The following DDX25 variants were observed in gnomAD, a reference collection of about 807,000 sequenced individuals.
DDX25 encodes the protein ATP-dependent RNA helicase DDX25.
DDX25 carries 70 observed loss-of-function variants against 64.6 expected under a neutral mutation model. The observed-to-expected ratio is 1.08, with a 90% CI of 0.89 to 1.32. The LOEUF is 1.32. Ranked by LOEUF, DDX25 falls within the 40% of genes most tolerant of loss-of-function variation. DDX25 has a pLI of 0.00. For synonymous variants in DDX25, 211 were observed against 213.3 expected (o/e 0.99, Z 0.09); for missense variants, 587 against 604.4 (o/e 0.97, Z 0.30).
chr11:125,918,599 G>A (rs1167328391), intron 9 of DDX25, 29 bp from the exon 10 acceptor site: 1 of 1,602,604 alleles, frequency 6.2e-7, no homozygotes, highest in Admixed American at 1.7e-5. Context: ...ATCTTGGGGT[G>A]CTGTGTTGGG....
chr11:125,906,118 T>G lies in DDX25; in HGVS notation c.220T>G (p.Ser74Ala). 6.4e-7 allele frequency: 1 copy of G among 1,550,726 alleles called. No homozygotes were observed. Among genetic ancestry groups the G allele is most frequent in the Non-Finnish European group, 8.7e-7 (1 of 1,146,748 alleles). The change falls in exon 4 of 12, where the codon TCC (serine) becomes GCC (alanine). Residue 74 changes from serine (S) to alanine (A), a missense_variant. Coordinates refer to ENST00000263576, the MANE Select transcript of DDX25 (RefSeq NM_013264.5). The part of the protein sequence containing the change: ...NSLLNKLIHQ[S>A]LVESSHRVEV... Reference sequence around the variant, plus strand: ...ACTCTTAAACAAGTTAATCCATCAATCCTTAGTAGAATCCAGTCACCGTGT... The same window carrying G: ...ACTCTTAAACAAGTTAATCCATCAAGCCTTAGTAGAATCCAGTCACCGTGT...
In DDX25 at chr11:125,923,943, C is replaced by A. The variant is rs1012276382; in HGVS notation, c.*1062C>A. 3.3e-5 allele frequency: 5 copies of A among 152,154 alleles called. No homozygotes were observed. The highest frequency in any genetic ancestry group is 9.7e-5 in the African/African-American group (4 of 41,432). 9.4% of individuals were successfully genotyped at this position (152,154 alleles called of 1,614,324 possible). On this transcript the variant is annotated 3_prime_UTR_variant, in exon 12 of 12. Transcript: ENST00000263576. ...TTCCATGTCACCCTGCCCATGTTTT[C>A]TCCCGGAGAGCAGGGCTCAGAAATA...
chr11:125,911,501 G>A lies in DDX25; in HGVS notation c.800+13G>A, dbSNP rs1591517527. On this transcript the variant is annotated intron_variant, in intron 8 of 11. Transcript: ENST00000263576. Reference sequence around the variant, plus strand: ...TTCGTATTCAAAGGTAATCTTCAGAGTCTTCCTCTCTTCCTCAGCCTTCTG... The same window carrying A: ...TTCGTATTCAAAGGTAATCTTCAGAATCTTCCTCTCTTCCTCAGCCTTCTG... The A allele has an allele frequency of 1.9e-6, 3 of 1,611,562 alleles. No homozygotes were observed. The highest frequency in any genetic ancestry group is 2.2e-5 in the East Asian group (1 of 44,822).
In DDX25 at chr11:125,924,393, G is replaced by A. The variant is rs1183837175; in HGVS notation, c.*1512G>A. ...TGTTGGAATTCAGAGCCTAATGGCAGAGACCTAGAATAAGCCAGCATGATA... is the reference window on the plus strand; with the variant it reads ...TGTTGGAATTCAGAGCCTAATGGCAAAGACCTAGAATAAGCCAGCATGATA... On this transcript the variant is annotated 3_prime_UTR_variant, in exon 12 of 12. Coordinates refer to ENST00000263576, the MANE Select transcript of DDX25 (RefSeq NM_013264.5). The A allele has an allele frequency of 6.6e-6, 1 of 152,334 alleles. No homozygotes were observed. Among genetic ancestry groups the A allele is most frequent in the Non-Finnish European group, 1.5e-5 (1 of 68,128 alleles). The allele number at this position is 152,334 out of a possible 1,614,324, so 9.4% of individuals were successfully genotyped here.
upstream of DDX25, among the ~76,000 whole-genome samples, chr11:125,903,714 T>C (rs1373539899): frequency 8.1e-6 from 1 of 123,898 alleles, no homozygotes; most frequent in Admixed American, 1.0e-4. Flanking sequence ...ATTCCAGAAA[T>C]GCTGATCAAA....
At chr11:125,909,597 A>G (rs769794822) in intron 6 of DDX25, among the ~76,000 whole-genome samples, 5 of 151,710 alleles carry the variant, frequency 3.3e-5, no homozygotes, top group Non-Finnish European at 4.4e-5. Flanking sequence ...TTGTAAAGAT[A>G]TAGATAATAT....
At position 125,911,399 on chromosome 11, in the gene DDX25, T is replaced by C; in HGVS notation, c.711T>C (p.Asp237=). 1 of 1,613,922 alleles carries C rather than the reference T, an allele frequency of 6.2e-7. No individual in the cohort carries two copies. The highest frequency in any genetic ancestry group is 8.5e-7 in the Non-Finnish European group (1 of 1,179,858). The change falls in exon 8 of 12, where the codon GAT becomes GAC. Residue 237 remains aspartate (D), a synonymous_variant. Coordinates refer to ENST00000263576, the MANE Select transcript of DDX25 (RefSeq NM_013264.5). ...LDWCFKLKLI[D]LTKIRVFVLD... ...GGTGTTTTAAACTAAAATTGATTGA[T>C]TTGACTAAGATTCGTGTGTTTGTCC...
In DDX25 at chr11:125,918,765, C is replaced by T; in HGVS notation, c.1176C>T (p.Leu392=). Residue 392 remains leucine, a synonymous_variant, in exon 10 of 12, where the codon CTC becomes CTT. Coordinates refer to ENST00000263576, the MANE Select transcript of DDX25 (RefSeq NM_013264.5). ...QRFRDGKEKV[L]ITTNVCARGI... ...TTCGGGATGGGAAAGAGAAGGTTCT[C>T]ATAACAACTAATGTTTGTGCCCGAG... 2.5e-6 allele frequency: 4 copies of T among 1,596,296 alleles called. No individual in the cohort carries two copies. The highest frequency in any genetic ancestry group is 1.1e-5 in the South Asian group (1 of 88,534).
chr11:125,904,334 C>G (rs932779229), upstream of DDX25: 262 of 435,486 alleles, frequency 6.0e-4, no homozygotes, highest in African/African-American at 4.9e-3. Flanking sequence ...GCCCCGCTCT[C>G]TGCCCTCCGC....
Position 125,926,285 on chromosome 11 carries a change from C to T in DDX25, c.*3404C>T, listed in dbSNP as rs1163368089. On this transcript the variant is annotated 3_prime_UTR_variant, in exon 12 of 12. Transcript: ENST00000263576. Reference sequence around the variant, plus strand: ...GCCATCTGGCACATACTGCTTTTCCCAAGGGAGTAACAGAAAGGTCAGATC... The same window carrying T: ...GCCATCTGGCACATACTGCTTTTCCTAAGGGAGTAACAGAAAGGTCAGATC... The T allele has an allele frequency of 6.6e-6, 1 of 152,298 alleles. No individual in the cohort carries two copies. Among genetic ancestry groups the T allele is most frequent in the Non-Finnish European group, 1.5e-5 (1 of 68,128 alleles). The allele number at this position is 152,298 out of a possible 1,614,324, so 9.4% of individuals were successfully genotyped here.
chr11:125,910,660 G>A (rs1254064899), intron 7 of DDX25, among the ~76,000 whole-genome samples, 182 bp downstream of exon 7: 3 of 152,204 alleles, frequency 2.0e-5, no homozygotes, highest in South Asian at 2.1e-4. Flanking sequence ...TGCCTGGCAC[G>A]TAGTAAGGAC....
In DDX25 at chr11:125,908,363, T is replaced by C. The variant is rs1374114382; in HGVS notation, c.405-38T>C. 5 of 1,613,432 alleles carry C rather than the reference T, an allele frequency of 3.1e-6. No individual in the cohort carries two copies. In the African/African-American group the frequency reaches 5.3e-5, roughly 17 times the overall value. ...TTTTCAGTTTATGCCCACTCTCTTG[T>C]ATTCAGTTTATGCCCAGTGGTCTTC... On this transcript the variant is annotated intron_variant, in intron 5 of 11. Coordinates refer to ENST00000263576, the MANE Select transcript of DDX25 (RefSeq NM_013264.5).
In DDX25 at chr11:125,927,637, C is replaced by A. The variant is rs531184022; in HGVS notation, c.*4756C>A. 1 of 152,242 alleles carries A rather than the reference C, an allele frequency of 6.6e-6. No individual in the cohort carries two copies. Among genetic ancestry groups the A allele is most frequent in the South Asian group, 2.1e-4 (1 of 4,818 alleles). 9.4% of individuals were successfully genotyped at this position (152,242 alleles called of 1,614,324 possible). A position where few individuals can be genotyped will look rare whatever the true frequency, so the allele number is the denominator to read the frequency against. On this transcript the variant is annotated 3_prime_UTR_variant, in exon 12 of 12. Transcript: ENST00000263576. The stretch of plus-strand genomic sequence containing the variant: ...AGAATGGTACTGCCTCACTCCAGCT[C>A]CTTAGTGTGTGATCATGGCTTGAAA...
chr11:125,905,386 T>C, intron 2 of DDX25, 108 bp downstream of exon 2: 1 of 1,365,334 alleles, frequency 7.3e-7, no homozygotes, highest in Non-Finnish European at 1.0e-6. Flanking sequence ...TAGTGTGACA[T>C]TCAGCACTCT....
intron 10 of DDX25, among the ~76,000 whole-genome samples, chr11:125,920,095 T>C (rs1346391442): frequency 6.6e-6 from 1 of 151,724 alleles, no homozygotes; most frequent in Non-Finnish European, 1.5e-5. Context: ...GAAGGTACAG[T>C]GGGGAGGGGA....
At chr11:125,906,023 TG>T (rs1418700018) in intron 3 of DDX25, 50 bp from the exon 4 acceptor site, 13 of 1,502,790 alleles carry the variant, frequency 8.7e-6, no homozygotes, top group Middle Eastern at 2.0e-4. Context: ...GCAACTTATT[TG>T]ATGTCATTCA....
At chr11:125,917,989 C>T (rs1945060729) in intron 9 of DDX25, among the ~76,000 whole-genome samples, 1 of 152,172 alleles carries the variant, frequency 6.6e-6, no homozygotes, top group African/African-American at 2.4e-5. Context: ...AGCAATTCTC[C>T]TGCCTCAGCT....
chr11:125,906,349 T>A, intron 4 of DDX25, 140 bp downstream of exon 4: 14 of 1,118,962 alleles, frequency 1.3e-5, no homozygotes, highest in Non-Finnish European at 1.7e-5. Flanking sequence ...AGACAGAGTC[T>A]CACTCTGTCC....
chr11:125,912,691 A>C (rs1283403469), intron 8 of DDX25, among the ~76,000 whole-genome samples: 1 of 151,984 alleles, frequency 6.6e-6, no homozygotes, highest in Admixed American at 6.6e-5. Flanking sequence ...ACTAATATAA[A>C]GGGCTGTTTT....
Sources: gnomAD v4.1 joint callset for allele counts (sites outside exome capture counted in the v4.1 genomes callset) on GRCh38, gnomAD v4.1.1 for gene constraint, MANE v1.5 for transcripts, NCBI Gene and HGNC (gene_info 2026-07-23, HGNC 2026-07-21) for gene names.